AGBL4: variants seen among roughly 807,000 people sequenced by gnomAD.
AGBL4 encodes the protein cytosolic carboxypeptidase 6.
Under a neutral mutation model 66.4 loss-of-function variants are expected in AGBL4, and 58 were observed. That is an observed-to-expected ratio of 0.87 (90% CI 0.71 to 1.09). AGBL4 has a LOEUF of 1.09. Ranked by LOEUF, AGBL4 falls within the 50% of genes least tolerant of loss-of-function variation. The pLI is 0.00. For missense variants in AGBL4, 579 were observed against 631.0 expected (o/e 0.92, Z 0.88); for synonymous variants, 234 against 222.9 (o/e 1.05, Z -0.44).
chr1:49,997,261 G>A (rs1660438383), intron 1 of AGBL4, among the ~76,000 whole-genome samples: 1 of 152,060 alleles, frequency 6.6e-6, no homozygotes, highest in South Asian at 2.1e-4. Context: ...GATACAGAAT[G>A]GCAGAATGGG....
chr1:49,756,009 CA>C (rs1204319276), intron 2 of AGBL4, among the ~76,000 whole-genome samples: 1 of 152,140 alleles, frequency 6.6e-6, no homozygotes, highest in African/African-American at 2.4e-5. Flanking sequence ...AGACTCACGC[CA>C]AAATTTACTT....
chr1:49,106,908 A>C (rs1026552803), intron 4 of AGBL4, among the ~76,000 whole-genome samples: 17 of 152,296 alleles, frequency 1.1e-4, no homozygotes, highest in African/African-American at 4.1e-4. Context: ...AATGGTTAAC[A>C]CTACTTTTTC....
At chr1:48,790,817 T>G (rs905922019) in intron 6 of AGBL4, among the ~76,000 whole-genome samples, 1 of 152,190 alleles carries the variant, frequency 6.6e-6, no homozygotes, top group Non-Finnish European at 1.5e-5. Flanking sequence ...CTGGGCGCAG[T>G]GGCACAAGCC....
intron 7 of AGBL4, among the ~76,000 whole-genome samples, chr1:48,653,959 A>C (rs929939539): frequency 6.6e-6 from 1 of 152,100 alleles, no homozygotes; most frequent in Admixed American, 6.6e-5. Context: ...ATTTTAGCCA[A>C]AGTCACATGA....
At position 48,917,950 on chromosome 1, in the gene AGBL4, T is replaced by A. The variant is rs555208438; in HGVS notation, c.595-50720A>T. Among the ~76,000 whole-genome samples the A allele has an allele frequency of 9.8e-5, 15 of 152,322 alleles. No homozygotes were observed. In the South Asian group the frequency reaches 2.5e-3, roughly 25 times the overall value. On this transcript the variant is annotated intron_variant, in intron 5 of 13. Coordinates refer to ENST00000371839, the MANE Select transcript of AGBL4 (RefSeq NM_032785.4). ...GCACCACTGTGGCCCAGCTTCTGCT[T>A]TGCACTCCAGTGACCTTGAGGTTGA...
chr1:49,484,540 C>A (rs1647023419), intron 3 of AGBL4, among the ~76,000 whole-genome samples: 2 of 151,786 alleles, frequency 1.3e-5, no homozygotes, highest in African/African-American at 4.8e-5. Flanking sequence ...TTTGTGGGAT[C>A]TGAAAATTTA....
At chr1:49,863,298 A>G (rs1646619863) in intron 1 of AGBL4, among the ~76,000 whole-genome samples, 1 of 152,196 alleles carries the variant, frequency 6.6e-6, no homozygotes, top group Admixed American at 6.5e-5. Context: ...AAAATTGGTT[A>G]AATACCTTAA....
At chr1:49,014,454 A>C (rs1451504089) in intron 5 of AGBL4, among the ~76,000 whole-genome samples, 2 of 152,190 alleles carry the variant, frequency 1.3e-5, no homozygotes, top group African/African-American at 4.8e-5. Flanking sequence ...TCCCTTTTAT[A>C]ACATGAAAAT....
At chr1:48,931,317 G>C (rs1343432) in intron 5 of AGBL4, among the ~76,000 whole-genome samples, 30,419 of 152,056 alleles carry the variant, frequency 0.2, 3,617 homozygotes, top group East Asian at 0.4. Flanking sequence ...AATTCTTTCA[G>C]CCATAAAAAT....
chr1:49,855,346 T>C (rs1418582950), intron 1 of AGBL4, among the ~76,000 whole-genome samples: 6 of 152,156 alleles, frequency 3.9e-5, no homozygotes, highest in Admixed American at 3.9e-4. Context: ...CATTCAGCAT[T>C]GGACACATCA....
chr1:48,554,971 G>A (rs531684825), intron 11 of AGBL4, among the ~76,000 whole-genome samples: 4 of 152,250 alleles, frequency 2.6e-5, no homozygotes, highest in South Asian at 4.1e-4. Flanking sequence ...GTAAGGTACT[G>A]TGCCAGACGC....
chr1:49,130,711 C>T (rs1223068368), intron 4 of AGBL4, among the ~76,000 whole-genome samples: 1 of 152,042 alleles, frequency 6.6e-6, no homozygotes. Flanking sequence ...GTTTTGGTTA[C>T]TGTAGCCTTG....
chr1:49,670,588 C>A (rs546188047), intron 3 of AGBL4, among the ~76,000 whole-genome samples: 20 of 152,242 alleles, frequency 1.3e-4, no homozygotes, highest in Middle Eastern at 6.8e-3. Context: ...CTGAGAGAAA[C>A]TACAGCAAAA....
intron 1 of AGBL4, among the ~76,000 whole-genome samples, chr1:49,925,154 A>C (rs953256180): frequency 1.3e-5 from 2 of 152,162 alleles, no homozygotes; most frequent in Non-Finnish European, 2.9e-5. Context: ...GAAAAGGAAA[A>C]ACAGGATTGG....
At chr1:49,636,327 A>G (rs1050246954) in intron 3 of AGBL4, among the ~76,000 whole-genome samples, 1 of 152,152 alleles carries the variant, frequency 6.6e-6, no homozygotes, top group Non-Finnish European at 1.5e-5. Flanking sequence ...TACATGGTAT[A>G]TTGCTGAGAG....
chr1:49,546,488 C>CT (rs1290918041), intron 3 of AGBL4, among the ~76,000 whole-genome samples: 2 of 151,942 alleles, frequency 1.3e-5, no homozygotes, highest in African/African-American at 2.4e-5. Context: ...TTGCAAATAT[C>CT]TTTTTTGTAT....
intron 3 of AGBL4, among the ~76,000 whole-genome samples, chr1:49,601,712 T>A (rs1054544633): frequency 6.6e-6 from 1 of 152,156 alleles, no homozygotes; most frequent in Non-Finnish European, 1.5e-5. Context: ...TCAAGATGGA[T>A]TAGAGACTTA....
rs1473569275 is a variant in AGBL4, at chr1:49,371,244, GATAGATAC to G, written c.283-125388_283-125381del. On this transcript the variant is annotated intron_variant, in intron 3 of 13. Coordinates refer to ENST00000371839, the MANE Select transcript of AGBL4 (RefSeq NM_032785.4). Reference sequence around the variant, plus strand: ...AGATAGATATATAGATAGATAGATAGATAGATACATACATACATACATACATACATACA... The same window carrying G: ...AGATAGATATATAGATAGATAGATAGATACATACATACATACATACATACA... Among the ~76,000 whole-genome samples the G allele has an allele frequency of 3.6e-3, 511 of 141,918 alleles. 1 individual carries two copies. Among genetic ancestry groups the G allele is most frequent in the African/African-American group, 0.013 (448 of 35,538 alleles). The allele number at this position is 141,918 out of a possible 152,430, so 93.1% of individuals were successfully genotyped here.
chr1:49,081,711 C>T (rs143387284), intron 4 of AGBL4, among the ~76,000 whole-genome samples: 117 of 152,312 alleles, frequency 7.7e-4, no homozygotes, highest in African/African-American at 2.8e-3. Context: ...GCCAAAGTTC[C>T]CCATCCCCCA....
Sources: allele counts gnomAD v4.1 joint callset (sites outside exome capture counted in the v4.1 genomes callset), GRCh38; gene constraint gnomAD v4.1.1; transcripts MANE v1.5; gene names NCBI Gene and HGNC (gene_info 2026-07-23, HGNC 2026-07-21).